Variants in ARPC1A observed in about 807,000 individuals in gnomAD.
The protein encoded by ARPC1A is actin-related protein 2/3 complex subunit 1A.
In ARPC1A, 8 loss-of-function variants were observed where a neutral mutation model predicts 46.9. That is an observed-to-expected ratio of 0.17 (90% CI 0.10 to 0.31). The LOEUF is 0.31. Ranked by LOEUF, ARPC1A falls within the 10% of genes least tolerant of loss-of-function variation. The pLI is 1.00. For synonymous variants in ARPC1A, 152 were observed against 169.0 expected, an observed-to-expected ratio of 0.90 and a Z score of 0.78; for missense variants, 286 against 483.6, an observed-to-expected ratio of 0.59 and a Z score of 3.83.
At chr7:99,341,450 A>C (rs1793355893) in intron 3 of ARPC1A, among the ~76,000 whole-genome samples, 1 of 151,906 alleles carries the variant, frequency 6.6e-6, no homozygotes, top group South Asian at 2.1e-4. Flanking sequence ...TCTACTAAAA[A>C]TACACAAAAT....
intron 2 of ARPC1A, among the ~76,000 whole-genome samples, chr7:99,337,086 AT>A (rs765991627): frequency 2.0e-5 from 3 of 152,196 alleles, no homozygotes; most frequent in East Asian, 1.9e-4. Context: ...TGGACTTACG[AT>A]TTGGGGATAT....
chr7:99,359,609 A>G lies in ARPC1A; in HGVS notation c.854A>G (p.Lys285Arg), dbSNP rs1793705528. ...CGCGGCTGCCTGACCTTCGTCTCCA[A>G]GTTAGATATTCCAAAACAGAGCATC... ...DDRGCLTFVS[K>R]LDIPKQSIQR... Residue 285 changes from lysine (K) to arginine (R), a missense_variant, in exon 8 of 10, where the codon AAG (lysine) becomes AGG (arginine). Around this residue, in one of 5 missense-constraint regions of ARPC1A, gnomAD observed 182 missense variants for 276.7 expected, o/e 0.66. Transcript: ENST00000262942. 1.9e-6 allele frequency: 3 copies of G among 1,613,980 alleles called. No individual in the cohort carries two copies. Among genetic ancestry groups the G allele is most frequent in the Non-Finnish European group, 2.5e-6 (3 of 1,180,030 alleles).
rs557576675 is a variant in ARPC1A at position 99,356,204 on chromosome 7, C to A, written c.713+2083C>A. Among the ~76,000 whole-genome samples, 6 of 152,260 alleles carry A rather than the reference C, an allele frequency of 3.9e-5. No homozygotes were observed. The South Asian group carries it at 1.0e-3, about 26-fold the overall frequency. ...GGGTGACCTTTACTCCCTGTCAGGT[C>A]AGTAAGAGTCACCCAGTGTAAACAG... On this transcript the variant is annotated intron_variant, in intron 6 of 9. Coordinates refer to ENST00000262942, the MANE Select transcript of ARPC1A (RefSeq NM_006409.4).
At chr7:99,358,536 CTTTTTTTTTTTT>C (rs5886103) in intron 7 of ARPC1A, 121 bp downstream of exon 7, 2 of 318,686 alleles carry the variant, frequency 6.3e-6, no homozygotes, top group South Asian at 6.2e-5. Flanking sequence ...ACAGAGCTCA[CTTTTTTTTTTTT>C]TTTTTTTTTT....
intron 1 of ARPC1A, among the ~76,000 whole-genome samples, chr7:99,329,300 C>CAA (rs575972082): frequency 3.0e-5 from 3 of 101,184 alleles, no homozygotes; most frequent in Admixed American, 2.2e-4. Context: ...GACTCCGTCT[C>CAA]AAAAAAAAAA....
chr7:99,349,577 G>A (rs1226374703), intron 5 of ARPC1A, among the ~76,000 whole-genome samples: 2 of 151,298 alleles, frequency 1.3e-5, no homozygotes, highest in East Asian at 2.0e-4. Context: ...AGTAGCTCAC[G>A]CCCGTAATCC....
intron 4 of ARPC1A, among the ~76,000 whole-genome samples, chr7:99,348,312 T>TA (rs1212871975): frequency 6.6e-6 from 1 of 152,222 alleles, no homozygotes; most frequent in Non-Finnish European, 1.5e-5. Flanking sequence ...TATCTATGCT[T>TA]ACTAATGAGG....
At chr7:99,326,504 G>A (rs1793050003) in intron 1 of ARPC1A, among the ~76,000 whole-genome samples, 1 of 152,156 alleles carries the variant, frequency 6.6e-6, no homozygotes, top group East Asian at 1.9e-4. Context: ...GTTCTTTTAA[G>A]ATTTCCCTGC....
chr7:99,361,675 A>G (rs150801775), intron 8 of ARPC1A, among the ~76,000 whole-genome samples: 86 of 152,326 alleles, frequency 5.6e-4, no homozygotes, highest in Middle Eastern at 3.4e-3. Flanking sequence ...CCTCTCTGAC[A>G]CTTCTAGATG....
rs1448151447 is a variant in ARPC1A, at chr7:99,358,340, G to A, written c.714G>A (p.Gln238=). 3 of 1,613,734 alleles carry A rather than the reference G, an allele frequency of 1.9e-6. No homozygotes were observed. Among genetic ancestry groups the A allele is most frequent in the South Asian group, 1.1e-5 (1 of 91,068 alleles). ...VSVADASKSV[Q]VSTLKTEFLP... ...GGATAACACATGTTCTTGTGTTCAG[G>A]GTCTCGACTCTGAAGACAGAGTTCC... The change falls in exon 7 of 10, where the codon CAG becomes CAA. Residue 238 remains glutamine (Q), a splice_region_variant and synonymous_variant. Transcript: ENST00000262942.
intron 2 of ARPC1A, among the ~76,000 whole-genome samples, chr7:99,333,697 G>C (rs1275154618): frequency 2.0e-5 from 3 of 152,132 alleles, no homozygotes; most frequent in Non-Finnish European, 2.9e-5. Flanking sequence ...GTTTGCTCCT[G>C]AGCTACTCAG....
chr7:99,340,057 C>T (rs760920779), intron 3 of ARPC1A: 17 of 454,246 alleles, frequency 3.7e-5, no homozygotes, highest in East Asian at 7.0e-5. Context: ...TACTTTCAGA[C>T]GTGTATTAGC....
chr7:99,345,834 A>G (rs568584274), intron 4 of ARPC1A, among the ~76,000 whole-genome samples: 1 of 152,258 alleles, frequency 6.6e-6, no homozygotes, highest in South Asian at 2.1e-4. Context: ...CTGAAATTGA[A>G]AGAAGGGGAT....
intron 9 of ARPC1A, among the ~76,000 whole-genome samples, chr7:99,364,510 G>T (rs1793797527): frequency 6.6e-6 from 1 of 151,870 alleles, no homozygotes; most frequent in African/African-American, 2.4e-5. Flanking sequence ...AACCTCAGGT[G>T]ATCCACCCGC....
At chr7:99,355,192 G>T (rs1450831697) in intron 6 of ARPC1A, among the ~76,000 whole-genome samples, 1 of 151,614 alleles carries the variant, frequency 6.6e-6, no homozygotes, top group Admixed American at 6.6e-5. Context: ...TGAGGCTAGA[G>T]AATCTCTGGA....
At chr7:99,365,259 TTGG>T (rs1793816079) in intron 9 of ARPC1A, among the ~76,000 whole-genome samples, 1 of 151,670 alleles carries the variant, frequency 6.6e-6, no homozygotes, top group Admixed American at 6.6e-5. Context: ...TGAGACCAGT[TTGG>T]GCAACATAGC....
intron 1 of ARPC1A, among the ~76,000 whole-genome samples, chr7:99,330,063 T>TAA (rs549591360): frequency 6.9e-6 from 1 of 144,014 alleles, no homozygotes; most frequent in African/African-American, 2.5e-5. Flanking sequence ...GAAGTTCTTG[T>TAA]AAAAAAAAAA....
chr7:99,344,895 T>C (rs1206315889), intron 4 of ARPC1A, among the ~76,000 whole-genome samples: 2 of 146,334 alleles, frequency 1.4e-5, no homozygotes, highest in Non-Finnish European at 3.0e-5. Context: ...GATATCTATG[T>C]AGGATTCCTA....
intron 3 of ARPC1A, among the ~76,000 whole-genome samples, chr7:99,338,915 C>T (rs896880113): frequency 4.6e-5 from 7 of 152,086 alleles, no homozygotes; most frequent in East Asian, 1.9e-4. Context: ...CGAAAACGTG[C>T]GCCAAACTAT....
Sources: gnomAD v4.1 joint callset for allele counts (sites outside exome capture counted in the v4.1 genomes callset) on GRCh38, gnomAD v4.1.1 for gene constraint, gnomAD v4.1.1 regional missense constraint, MANE v1.5 for transcripts, NCBI Gene and HGNC (gene_info 2026-07-23, HGNC 2026-07-21) for gene names.